The following ADIPOR2 variants were observed in gnomAD, a reference collection of about 807,000 sequenced individuals.
ADIPOR2 encodes adiponectin receptor protein 2.
In ADIPOR2, 18 loss-of-function variants were observed where a neutral mutation model predicts 40.9. The ratio of observed to expected loss-of-function variants is 0.44; its 90% CI spans 0.30 to 0.65. The LOEUF (loss-of-function observed/expected upper bound fraction) is 0.65, where lower values mean the gene tolerates loss of function less well. ADIPOR2 is among the 30% of genes least tolerant of loss of function. The pLI, the probability that ADIPOR2 is intolerant of heterozygous loss-of-function variation, is 0.09. For missense variants in ADIPOR2, 283 were observed against 479.2 expected, an observed-to-expected ratio of 0.59 and a Z score of 3.82; for synonymous variants, 165 against 166.4, an observed-to-expected ratio of 0.99 and a Z score of 0.06.
intron 1 of ADIPOR2, among the ~76,000 whole-genome samples, chr12:1,748,171 C>CT (rs1190881632): frequency 6.6e-6 from 1 of 151,738 alleles, no homozygotes; most frequent in Non-Finnish European, 1.5e-5. Flanking sequence ...TTATTTGGTT[C>CT]TTTTTTGTAG....
chr12:1,703,844 GC>G (rs1228224759), intron 1 of ADIPOR2, among the ~76,000 whole-genome samples: 1 of 152,024 alleles, frequency 6.6e-6, no homozygotes, highest in Admixed American at 6.6e-5. Flanking sequence ...CTCTGTAGTA[GC>G]TAAGACTAGA....
At chr12:1,783,399 C>CTTTTTTTTTT (rs35800138) in intron 6 of ADIPOR2, among the ~76,000 whole-genome samples, 2 of 132,558 alleles carry the variant, frequency 1.5e-5, no homozygotes, top group African/African-American at 5.6e-5. Flanking sequence ...AGGCTCATTG[C>CTTTTTTTTTT]TTTTTTTTTT....
At chr12:1,694,877 C>T (rs2094634880) in intron 1 of ADIPOR2, among the ~76,000 whole-genome samples, 1 of 151,830 alleles carries the variant, frequency 6.6e-6, no homozygotes, top group East Asian at 1.9e-4. Context: ...CCCATATTCC[C>T]TTCCCTTCCC....
intron 1 of ADIPOR2, among the ~76,000 whole-genome samples, chr12:1,707,180 T>G (rs899168942): frequency 6.6e-6 from 1 of 152,226 alleles, no homozygotes; most frequent in African/African-American, 2.4e-5. Flanking sequence ...TCACCTGATA[T>G]TTGGGTTTCC....
At chr12:1,757,815 C>G in intron 2 of ADIPOR2, 1 of 853,776 alleles carries the variant, frequency 1.2e-6, no homozygotes. Flanking sequence ...TAATGAACCT[C>G]TGCATGTAAT....
intron 1 of ADIPOR2, among the ~76,000 whole-genome samples, chr12:1,749,112 G>A (rs2094763387): frequency 6.6e-6 from 1 of 152,188 alleles, no homozygotes; most frequent in East Asian, 1.9e-4. Context: ...TTATTATAAA[G>A]AATATTGCAA....
At chr12:1,742,708 G>T (rs905922620) in intron 1 of ADIPOR2, among the ~76,000 whole-genome samples, 1 of 152,172 alleles carries the variant, frequency 6.6e-6, no homozygotes, top group African/African-American at 2.4e-5. Context: ...CAATGTAAAT[G>T]CCCTGTAAAT....
At chr12:1,762,193 C>G (rs181594495) in intron 2 of ADIPOR2, among the ~76,000 whole-genome samples, 1 of 152,282 alleles carries the variant, frequency 6.6e-6, no homozygotes, top group Admixed American at 6.5e-5. Context: ...AGGTTAAGTT[C>G]TCTACTTCCA....
intron 1 of ADIPOR2, among the ~76,000 whole-genome samples, chr12:1,702,089 T>C (rs1352556072): frequency 6.6e-6 from 1 of 152,152 alleles, no homozygotes; most frequent in African/African-American, 2.4e-5. Context: ...GCCATTGCAC[T>C]CCAGCTTGGG....
intron 1 of ADIPOR2, among the ~76,000 whole-genome samples, chr12:1,694,169 CTG>C (rs1485336725): frequency 5.9e-5 from 9 of 152,130 alleles, no homozygotes; most frequent in African/African-American, 2.2e-4. Flanking sequence ...AATTAAGTAA[CTG>C]TTGGAAGTTT....
At chr12:1,712,639 G>A (rs2094679851) in intron 1 of ADIPOR2, among the ~76,000 whole-genome samples, 2 of 152,026 alleles carry the variant, frequency 1.3e-5, no homozygotes, top group African/African-American at 4.8e-5. Flanking sequence ...GGATTTGAAG[G>A]CTGTTTCTGC....
chr12:1,733,227 C>G (rs1287764843), intron 1 of ADIPOR2, among the ~76,000 whole-genome samples: 1 of 152,140 alleles, frequency 6.6e-6, no homozygotes, highest in Non-Finnish European at 1.5e-5. Context: ...TTCTTGATTA[C>G]TTCAGAACTT....
chr12:1,759,149 A>G (rs773935616), intron 2 of ADIPOR2, among the ~76,000 whole-genome samples: 3 of 152,100 alleles, frequency 2.0e-5, no homozygotes, highest in Non-Finnish European at 4.4e-5. Flanking sequence ...GTTGTTGCAG[A>G]CCTCGTTTTC....
chr12:1,749,805 A>G (rs2094764939), intron 1 of ADIPOR2, among the ~76,000 whole-genome samples: 1 of 151,384 alleles, frequency 6.6e-6, no homozygotes, highest in African/African-American at 2.4e-5. Flanking sequence ...TGCTGAGAAC[A>G]TAGTATAACA....
chr12:1,705,775 T>C (rs1252902705), intron 1 of ADIPOR2, among the ~76,000 whole-genome samples: 1 of 152,216 alleles, frequency 6.6e-6, no homozygotes, highest in Non-Finnish European at 1.5e-5. Context: ...ACATTGTTTT[T>C]GTAGCTTTGA....
intron 1 of ADIPOR2, among the ~76,000 whole-genome samples, chr12:1,742,708 GC>G (rs1458376253): frequency 2.0e-5 from 3 of 152,172 alleles, no homozygotes; most frequent in Admixed American, 6.5e-5. Context: ...CAATGTAAAT[GC>G]CCTGTAAATA....
chr12:1,772,677 A>G, intron 2 of ADIPOR2, 165 bp from the exon 3 acceptor site: 2 of 788,026 alleles, frequency 2.5e-6, no homozygotes, highest in South Asian at 6.7e-5. Context: ...GTTCATTTTT[A>G]ATACTAATAA....
chr12:1,691,597 C>G lies in ADIPOR2; in HGVS notation c.-87+406C>G, dbSNP rs562459513. On this transcript the variant is annotated intron_variant, in intron 1 of 7. Coordinates refer to ENST00000357103, the MANE Select transcript of ADIPOR2 (RefSeq NM_024551.3). ...CGTCTCTTGTCTGTTTTTATCACTTCTAGGAATTTGTTTGGTGGAGGCTTG... is the reference window on the plus strand; with the variant it reads ...CGTCTCTTGTCTGTTTTTATCACTTGTAGGAATTTGTTTGGTGGAGGCTTG... Among the ~76,000 whole-genome samples the G allele has an allele frequency of 2.4e-3, 371 of 152,310 alleles. 2 individuals are homozygous for G. Among genetic ancestry groups the G allele is most frequent in the African/African-American group, 8.8e-3 (365 of 41,564 alleles).
chr12:1,708,786 C>T (rs2094669189), intron 1 of ADIPOR2, among the ~76,000 whole-genome samples: 1 of 151,122 alleles, frequency 6.6e-6, no homozygotes, highest in African/African-American at 2.4e-5. Context: ...GTGGCACAGT[C>T]TTGGGTCACT....
Sources: gnomAD v4.1 joint callset for allele counts (sites outside exome capture counted in the v4.1 genomes callset) on GRCh38, gnomAD v4.1.1 for gene constraint, MANE v1.5 for transcripts, NCBI Gene and HGNC (gene_info 2026-07-23, HGNC 2026-07-21) for gene names.